TMEM132B: variants seen among roughly 807,000 people sequenced by gnomAD.
TMEM132B encodes transmembrane protein 132B.
In TMEM132B, 18 loss-of-function variants were observed where a neutral mutation model predicts 90.8. The observed-to-expected ratio is 0.20, with a 90% CI of 0.14 to 0.29. The LOEUF (loss-of-function observed/expected upper bound fraction) is 0.29. Ranked by LOEUF, TMEM132B falls within the 10% of genes least tolerant of loss-of-function variation. The probability of loss-of-function intolerance (pLI) is 1.00; values close to 1 mark genes in which losing one functional copy is unlikely to be tolerated. For synonymous variants in TMEM132B, 504 were observed against 523.3 expected, an observed-to-expected ratio of 0.96 and a Z score of 0.50; for missense variants, 1,096 against 1,326.8, an observed-to-expected ratio of 0.83 and a Z score of 2.70.
At chr12:125,428,426 C>T (rs938422487) in intron 3 of TMEM132B, among the ~76,000 whole-genome samples, 4 of 151,714 alleles carry the variant, frequency 2.6e-5, no homozygotes, top group African/African-American at 4.8e-5. Context: ...TTGTTTTGAC[C>T]TATTTATTGC....
At chr12:125,595,883 T>TC (rs1885427917) in intron 5 of TMEM132B, among the ~76,000 whole-genome samples, 2 of 151,510 alleles carry the variant, frequency 1.3e-5, no homozygotes, top group Admixed American at 6.6e-5. Context: ...TTTTTTTTTT[T>TC]CTCCCTACTC....
chr12:125,544,237 A>G (rs1440331241), intron 4 of TMEM132B, among the ~76,000 whole-genome samples: 4 of 152,186 alleles, frequency 2.6e-5, no homozygotes, highest in Non-Finnish European at 5.9e-5. Flanking sequence ...TACCTAATGC[A>G]TGCCAGGCTT....
intron 6 of TMEM132B, among the ~76,000 whole-genome samples, chr12:125,648,073 T>TC (rs1440638661): frequency 8.1e-5 from 7 of 85,892 alleles, no homozygotes; most frequent in African/African-American, 3.5e-4. Flanking sequence ...CCCATCACAG[T>TC]CCCCAGAGTG....
intron 1 of TMEM132B, among the ~76,000 whole-genome samples, chr12:125,241,699 A>G (rs527988508): frequency 1.1e-4 from 17 of 152,314 alleles, no homozygotes; most frequent in African/African-American, 4.1e-4. Flanking sequence ...TCTGGTCTCC[A>G]GGGCCATGAG....
chr12:125,244,148 G>A (rs1048538259), intron 1 of TMEM132B, among the ~76,000 whole-genome samples: 1 of 152,182 alleles, frequency 6.6e-6, no homozygotes, highest in African/African-American at 2.4e-5. Context: ...TGCGTTTTGT[G>A]TATTCGTCGG....
intron 3 of TMEM132B, among the ~76,000 whole-genome samples, chr12:125,507,808 G>C (rs1882882910): frequency 6.6e-6 from 1 of 152,168 alleles, no homozygotes; most frequent in Non-Finnish European, 1.5e-5. Context: ...GAAAAGAAGA[G>C]AGAAGAGTAT....
intron 2 of TMEM132B, among the ~76,000 whole-genome samples, chr12:125,388,048 C>T (rs942045570): frequency 8.5e-5 from 13 of 152,200 alleles, no homozygotes; most frequent in Non-Finnish European, 1.0e-4. Flanking sequence ...TAATTATACA[C>T]GAGGCATGGA....
chr12:125,276,913 T>G (rs950546840), intron 1 of TMEM132B, among the ~76,000 whole-genome samples: 1 of 152,198 alleles, frequency 6.6e-6, no homozygotes, highest in South Asian at 2.1e-4. Flanking sequence ...GCAATCCAAT[T>G]TGGGCATAAC....
At chr12:125,198,969 T>C (rs1448433427) in intron 1 of TMEM132B, among the ~76,000 whole-genome samples, 1 of 152,248 alleles carries the variant, frequency 6.6e-6, no homozygotes, top group Admixed American at 6.5e-5. Flanking sequence ...TGAGGACGAA[T>C]ACTTGGAAGA....
At chr12:125,313,702 C>T (rs530935898) in intron 1 of TMEM132B, among the ~76,000 whole-genome samples, 26 of 117,006 alleles carry the variant, frequency 2.2e-4, no homozygotes, top group Middle Eastern at 3.9e-3. Context: ...CCCTCCCCCC[C>T]TCCCTCCATT....
At chr12:125,347,204 G>A (rs75455526) in intron 1 of TMEM132B, among the ~76,000 whole-genome samples, 3,184 of 152,160 alleles carry the variant, frequency 0.021, 110 homozygotes, top group African/African-American at 0.073. Flanking sequence ...AGTTCCTTGG[G>A]GGCAGAATTC....
At chr12:125,405,398 G>C (rs578095550) in intron 2 of TMEM132B, among the ~76,000 whole-genome samples, 3 of 152,328 alleles carry the variant, frequency 2.0e-5, no homozygotes, top group African/African-American at 7.2e-5. Flanking sequence ...AGATACCTAA[G>C]TAATTACATC....
intron 3 of TMEM132B, among the ~76,000 whole-genome samples, chr12:125,494,817 A>T (rs1168173267): frequency 1.3e-3 from 10 of 7,484 alleles, no homozygotes; most frequent in South Asian, 7.5e-3. Flanking sequence ...AAATGGCTGC[A>T]TCCCTCCTCC....
In TMEM132B at chr12:125,415,456, G is replaced by A. The variant is rs138153161; in HGVS notation, c.960-75G>A. On this transcript the variant is annotated intron_variant, in intron 2 of 8. Coordinates refer to ENST00000682704, the MANE Select transcript of TMEM132B (RefSeq NM_001366854.1). This position sits in a 1 kb window ranked among gnomAD's most constrained non-coding sequence, Gnocchi z 5.3. ...GATGCTTTCCCAGTGATCTGCTCTC[G>A]TGCCATCTTTTACTACCTGTTTCAA... 1,744 of 1,552,730 alleles carry A rather than the reference G, an allele frequency of 1.1e-3. 19 individuals carry two copies. The African/African-American group carries it at 0.021, about 19-fold the overall frequency.
chr12:125,307,539 A>G (rs1876005181), intron 1 of TMEM132B, among the ~76,000 whole-genome samples: 5 of 152,090 alleles, frequency 3.3e-5, no homozygotes, highest in Admixed American at 3.3e-4. Context: ...AACAGTGCAA[A>G]TCAGAAAAGC....
chr12:125,510,114 GA>G (rs1457786057), intron 3 of TMEM132B, among the ~76,000 whole-genome samples: 5 of 152,178 alleles, frequency 3.3e-5, no homozygotes, highest in Non-Finnish European at 7.3e-5. Flanking sequence ...AGGCAGTGGG[GA>G]AAAAATTGTG....
At position 125,224,318 on chromosome 12, in the gene TMEM132B, C is replaced by A. The variant is rs894496349; in HGVS notation, c.67+37452C>A. Among the ~76,000 whole-genome samples, 3 of 152,270 alleles carry A rather than the reference C, an allele frequency of 2.0e-5. No homozygotes were observed. In the South Asian group the frequency reaches 6.2e-4, roughly 32 times the overall value. On this transcript the variant is annotated intron_variant, in intron 1 of 8. Coordinates refer to ENST00000682704, the MANE Select transcript of TMEM132B (RefSeq NM_001366854.1). ...TGTTTCCATTTCTCTTTGGTGTATA[C>A]CTAGAAGTGGAATTGCCGGGTCATA...
At chr12:125,286,187 A>G (rs1875351201) in intron 1 of TMEM132B, among the ~76,000 whole-genome samples, 1 of 152,254 alleles carries the variant, frequency 6.6e-6, no homozygotes, top group African/African-American at 2.4e-5. Flanking sequence ...CAGAGAAGTT[A>G]ATTCACTTGC....
chr12:125,361,971 A>C (rs1286222095), intron 2 of TMEM132B, among the ~76,000 whole-genome samples: 1 of 152,128 alleles, frequency 6.6e-6, no homozygotes, highest in East Asian at 1.9e-4. Flanking sequence ...CTTAGTGAAC[A>C]CTTAGTTTGT....
Sources: allele counts gnomAD v4.1 joint callset (sites outside exome capture counted in the v4.1 genomes callset), GRCh38; gene constraint gnomAD v4.1.1; non-coding constraint Gnocchi (gnomAD v3.1); transcripts MANE v1.5; gene names NCBI Gene and HGNC (gene_info 2026-07-23, HGNC 2026-07-21).